The following DCLK1 variants were observed in gnomAD, a reference collection of about 807,000 sequenced individuals.
DCLK1 encodes the protein doublecortin like kinase 1.
A neutral mutation model predicts 86.2 loss-of-function variants in DCLK1; 16 were observed. The ratio of observed to expected loss-of-function variants is 0.19; its 90% confidence interval spans 0.13 to 0.28. The LOEUF is 0.28. Among genes scored for constraint, DCLK1 ranks in the 10% least tolerant of loss-of-function variants. DCLK1 has a pLI of 1.00. For synonymous variants in DCLK1, 369 were observed against 370.5 expected (o/e 1.00, Z 0.05); for missense variants, 590 against 940.2 (o/e 0.63, Z 4.87).
At chr13:35,811,782 T>C (rs2087151049) in intron 11 of DCLK1, among the ~76,000 whole-genome samples, 1 of 151,212 alleles carries the variant, frequency 6.6e-6, no homozygotes, top group Non-Finnish European at 1.5e-5. Flanking sequence ...TGCAGTGAGC[T>C]GAGATCAAGC....
chr13:35,912,400 A>G (rs898484379), intron 4 of DCLK1, among the ~76,000 whole-genome samples: 1 of 152,076 alleles, frequency 6.6e-6, no homozygotes, highest in Non-Finnish European at 1.5e-5. Context: ...AAAACTACCT[A>G]TGGCCCACCC....
intron 4 of DCLK1, among the ~76,000 whole-genome samples, chr13:35,900,555 T>A (rs1186410091): frequency 6.6e-6 from 1 of 152,176 alleles, no homozygotes; most frequent in Non-Finnish European, 1.5e-5. Flanking sequence ...TAAATAAACA[T>A]TTTATAAAAA....
intron 3 of DCLK1, among the ~76,000 whole-genome samples, chr13:36,074,422 G>A (rs1326284839): frequency 1.4e-5 from 2 of 139,580 alleles, no homozygotes; most frequent in Middle Eastern, 4.0e-3. Flanking sequence ...CCTGGGGGGC[G>A]GAGCCTGCAG....
At chr13:36,017,506 T>C (rs1325489210) in intron 3 of DCLK1, among the ~76,000 whole-genome samples, 1 of 152,196 alleles carries the variant, frequency 6.6e-6, no homozygotes, top group Non-Finnish European at 1.5e-5. Flanking sequence ...TATGACTCGA[T>C]AGCTAATGTT....
intron 5 of DCLK1, among the ~76,000 whole-genome samples, chr13:35,859,500 T>A (rs896050969): frequency 1.3e-5 from 2 of 152,232 alleles, no homozygotes; most frequent in Non-Finnish European, 2.9e-5. Flanking sequence ...AGCTGACTTC[T>A]ATCCCTCCCG....
chr13:35,854,615 C>T (rs1160987622), intron 5 of DCLK1, 22 bp from the exon 6 acceptor site: 7 of 1,541,772 alleles, frequency 4.5e-6, no homozygotes, highest in Admixed American at 2.0e-5. Context: ...AAGAATCACA[C>T]ACAGAGAAAA....
chr13:36,021,791 C>CA (rs1881793463), intron 3 of DCLK1, among the ~76,000 whole-genome samples: 1 of 151,904 alleles, frequency 6.6e-6, no homozygotes, highest in South Asian at 2.1e-4. Flanking sequence ...CACAATTCAA[C>CA]AATAATAGTT....
At chr13:35,840,441 C>T (rs1012172834) in intron 6 of DCLK1, among the ~76,000 whole-genome samples, 9 of 152,088 alleles carry the variant, frequency 5.9e-5, no homozygotes, top group African/African-American at 2.2e-4. Context: ...TGAGCATGTC[C>T]CATTGGTCAG....
intron 4 of DCLK1, among the ~76,000 whole-genome samples, chr13:35,892,772 TCCCTTTATGTAACATTGTCTGGTAGC>T (rs936156132): frequency 6.6e-6 from 1 of 152,190 alleles, no homozygotes; most frequent in African/African-American, 2.4e-5. Context: ...ACTTCCCTGT[TCCCTTTATGTAACATTGTCTGGTAGC>T]CCCTCCTGTT....
At chr13:36,049,350 G>T (rs996041859) in intron 3 of DCLK1, among the ~76,000 whole-genome samples, 2 of 152,164 alleles carry the variant, frequency 1.3e-5, no homozygotes, top group Admixed American at 1.3e-4. Context: ...AAGAGTAAAT[G>T]CATATCTGAA....
chr13:35,775,655 T>C (rs907515916), intron 16 of DCLK1, among the ~76,000 whole-genome samples: 13 of 152,164 alleles, frequency 8.5e-5, no homozygotes, highest in African/African-American at 2.9e-4. Context: ...GTTGAAGGCG[T>C]TCTTATTTGA....
intron 3 of DCLK1, among the ~76,000 whole-genome samples, chr13:35,979,234 C>T (rs186335198): frequency 1.2e-4 from 19 of 152,306 alleles, no homozygotes; most frequent in African/African-American, 4.3e-4. Context: ...AACGAAGTGC[C>T]AAGCGACTTT....
At chr13:35,827,562 A>C (rs184414099) in intron 10 of DCLK1, 73 bp downstream of exon 10, 9 of 1,556,512 alleles carry the variant, frequency 5.8e-6, no homozygotes, top group Middle Eastern at 3.4e-4. Context: ...GGAGAAAATA[A>C]GGGAAAGAGC....
chr13:35,942,837 A>C (rs1877158964), intron 4 of DCLK1, among the ~76,000 whole-genome samples: 1 of 152,214 alleles, frequency 6.6e-6, no homozygotes, highest in Non-Finnish European at 1.5e-5. Context: ...GTGAAGGGTC[A>C]GATGAGGGGC....
At chr13:35,961,923 CA>C (rs1170795399) in intron 3 of DCLK1, among the ~76,000 whole-genome samples, 1 of 152,104 alleles carries the variant, frequency 6.6e-6, no homozygotes, top group African/African-American at 2.4e-5. Flanking sequence ...ACATGATAGC[CA>C]TAGTTATTGA....
chr13:35,819,815 A>G (rs1330075105), intron 11 of DCLK1, among the ~76,000 whole-genome samples: 2 of 152,180 alleles, frequency 1.3e-5, no homozygotes, highest in Non-Finnish European at 2.9e-5. Context: ...TTTTCACTAC[A>G]TATATTATCG....
chr13:35,958,141 C>CCATCAT (rs1878179167), intron 3 of DCLK1, among the ~76,000 whole-genome samples: 2 of 19,450 alleles, frequency 1.0e-4, no homozygotes, highest in African/African-American at 2.8e-4. Context: ...ACTATAACCA[C>CCATCAT]CACCACCACC....
At chr13:35,901,064 A>C (rs902936710) in intron 4 of DCLK1, among the ~76,000 whole-genome samples, 2 of 152,212 alleles carry the variant, frequency 1.3e-5, no homozygotes, top group African/African-American at 4.8e-5. Context: ...CTCACTTATA[A>C]AATTAAGAAC....
intron 15 of DCLK1, among the ~76,000 whole-genome samples, chr13:35,798,146 A>C (rs1232746410): frequency 6.6e-6 from 1 of 152,150 alleles, no homozygotes; most frequent in Non-Finnish European, 1.5e-5. Flanking sequence ...ATGGAAAATG[A>C]ACTCTCACCA....
Sources: allele counts gnomAD v4.1 joint callset (sites outside exome capture counted in the v4.1 genomes callset), GRCh38; gene constraint gnomAD v4.1.1; transcripts MANE v1.5; gene names NCBI Gene and HGNC (gene_info 2026-07-23, HGNC 2026-07-21).